The following CCDC7 variants were observed in gnomAD, a reference collection of about 807,000 sequenced individuals.
CCDC7 encodes coiled-coil domain-containing protein 7.
In CCDC7, 183 loss-of-function variants were observed where a neutral mutation model predicts 196.9. The observed-to-expected ratio is 0.93, with a 90% CI of 0.82 to 1.05. The LOEUF (loss-of-function observed/expected upper bound fraction) is 1.05. CCDC7 is among the 50% of genes least tolerant of loss of function. The pLI is 0.00. For missense variants in CCDC7, 1,540 were observed against 1,482.2 expected (o/e 1.04, Z -0.64); for synonymous variants, 525 against 484.6 (o/e 1.08, Z -1.10).
rs1428535863 is a variant in CCDC7, at chr10:32,492,001, A to G, written c.872+4A>G. Reference sequence around the variant, plus strand: ...ACCAGGCAAATATGTTGGAGAGGTAAGCTTTTTTGTTTTTGCATTTTATTA... The same window carrying G: ...ACCAGGCAAATATGTTGGAGAGGTAGGCTTTTTTGTTTTTGCATTTTATTA... On this transcript the variant is annotated splice_donor_region_variant and intron_variant, in intron 9 of 41. Transcript: ENST00000639629. 1.3e-6 allele frequency: 2 copies of G among 1,534,284 alleles called. No homozygotes were observed. Among genetic ancestry groups the G allele is most frequent in the Non-Finnish European group, 1.7e-6 (2 of 1,149,088 alleles).
chr10:32,629,936 A>G (rs146901636), intron 18 of CCDC7, among the ~76,000 whole-genome samples: 3 of 152,324 alleles, frequency 2.0e-5, no homozygotes, highest in Non-Finnish European at 4.4e-5. Flanking sequence ...CCCACCTTGT[A>G]GAGAGGGAGT....
At chr10:32,596,220 G>C (rs959515565) in intron 18 of CCDC7, among the ~76,000 whole-genome samples, 1 of 152,284 alleles carries the variant, frequency 6.6e-6, no homozygotes, top group Middle Eastern at 3.4e-3. Context: ...GGGTGCTCCT[G>C]TATTGGGTGC....
At chr10:32,726,567 C>G (rs548400931) in intron 25 of CCDC7, among the ~76,000 whole-genome samples, 167 bp from the exon 27 acceptor site, 151 of 152,128 alleles carry the variant, frequency 9.9e-4, no homozygotes, top group African/African-American at 3.5e-3. Context: ...CTATTTTCAT[C>G]ATTTTCATGT....
intron 20 of CCDC7, among the ~76,000 whole-genome samples, chr10:32,638,177 C>G (rs1179865872): frequency 6.6e-6 from 1 of 152,170 alleles, no homozygotes; most frequent in African/African-American, 2.4e-5. Flanking sequence ...CATCTGCAAA[C>G]AGGGACAATT....
chr10:32,573,896 G>T (rs536351709), intron 16 of CCDC7, among the ~76,000 whole-genome samples: 1 of 152,258 alleles, frequency 6.6e-6, no homozygotes, highest in East Asian at 1.9e-4. Context: ...TATGGTCATT[G>T]CCCTCAATGC....
At chr10:32,702,210 G>C (rs2078875272) in intron 24 of CCDC7, among the ~76,000 whole-genome samples, 1 of 152,040 alleles carries the variant, frequency 6.6e-6, no homozygotes, top group Non-Finnish European at 1.5e-5. Context: ...AGAGATTCTG[G>C]TATGTTGTGC....
chr10:32,528,708 A>G (rs1233489787), intron 11 of CCDC7, among the ~76,000 whole-genome samples: 1 of 143,836 alleles, frequency 7.0e-6, no homozygotes, highest in African/African-American at 2.6e-5. Context: ...ATATATATGT[A>G]TATATACATA....
At chr10:32,879,101 GGTTT>G (rs1419457328), downstream of CCDC7, among the ~76,000 whole-genome samples, 7 of 151,884 alleles carry the variant, frequency 4.6e-5, no homozygotes, top group Non-Finnish European at 7.4e-5. Flanking sequence ...AGGATGTACA[GGTTT>G]GTTACATAGT....
chr10:32,837,017 A>G (rs2092658390), intron 33 of CCDC7, among the ~76,000 whole-genome samples: 1 of 152,162 alleles, frequency 6.6e-6, no homozygotes. Context: ...GGCATGGGTA[A>G]GGACTTCATG....
intron 18 of CCDC7, among the ~76,000 whole-genome samples, chr10:32,599,075 G>C (rs536573287): frequency 3.6e-4 from 55 of 152,266 alleles, no homozygotes; most frequent in African/African-American, 1.3e-3. Context: ...GTTTGGTTCA[G>C]ATATTTTGGG....
At chr10:32,500,378 C>T (rs2370774) in intron 9 of CCDC7, among the ~76,000 whole-genome samples, 20,816 of 151,040 alleles carry the variant, frequency 0.14, 1,716 homozygotes, top group East Asian at 0.25. Context: ...GGGGTGGTGG[C>T]GGGGCAGAGA....
chr10:32,618,053 C>T (rs533472676), intron 18 of CCDC7, among the ~76,000 whole-genome samples: 1 of 152,054 alleles, frequency 6.6e-6, no homozygotes, highest in South Asian at 2.1e-4. Context: ...ACCATAGCTA[C>T]TTGTGTTCCC....
chr10:32,520,864 T>A (rs969262379), intron 11 of CCDC7, among the ~76,000 whole-genome samples: 1 of 152,178 alleles, frequency 6.6e-6, no homozygotes, highest in Non-Finnish European at 1.5e-5. Flanking sequence ...GGTCGTAGAT[T>A]TAAGTCTTTA....
chr10:32,667,935 A>C (rs1012564842), intron 21 of CCDC7, among the ~76,000 whole-genome samples: 19 of 152,218 alleles, frequency 1.2e-4, no homozygotes, highest in Non-Finnish European at 2.1e-4. Context: ...TGGGGATGGC[A>C]TTGAATCTAT....
intron 41 of CCDC7, among the ~76,000 whole-genome samples, chr10:32,859,254 A>G (rs1216486239): frequency 1.3e-5 from 2 of 152,232 alleles, no homozygotes; most frequent in Non-Finnish European, 2.9e-5. Flanking sequence ...AGAACTCAGG[A>G]TTAAGAAACT....
At chr10:32,832,328 G>A (rs997425230) in intron 32 of CCDC7, among the ~76,000 whole-genome samples, 1 of 151,992 alleles carries the variant, frequency 6.6e-6, no homozygotes, top group African/African-American at 2.4e-5. Flanking sequence ...ACCTGGTGAA[G>A]CCCTGTCTCT....
At chr10:32,707,241 G>A (rs1471921930) in intron 24 of CCDC7, among the ~76,000 whole-genome samples, 1 of 152,208 alleles carries the variant, frequency 6.6e-6, no homozygotes, top group African/African-American at 2.4e-5. Context: ...GTCAATAGAT[G>A]CAGAAAAGGT....
intron 29 of CCDC7, among the ~76,000 whole-genome samples, chr10:32,780,740 CA>C (rs2080921160): frequency 6.6e-6 from 1 of 151,882 alleles, no homozygotes; most frequent in African/African-American, 2.4e-5. Context: ...GTATAACATA[CA>C]AAAAACAGGT....
intron 21 of CCDC7, among the ~76,000 whole-genome samples, chr10:32,681,519 G>A (rs551617038): frequency 6.6e-6 from 1 of 152,062 alleles, no homozygotes; most frequent in Admixed American, 6.6e-5. Context: ...AATGTTATAT[G>A]CCCAAGAGCC....
Sources: gnomAD v4.1 joint callset for allele counts (sites outside exome capture counted in the v4.1 genomes callset) on GRCh38, gnomAD v4.1.1 for gene constraint, MANE v1.5 for transcripts, NCBI Gene and HGNC (gene_info 2026-07-23, HGNC 2026-07-21) for gene names.